The following TMEM181 variants were observed in gnomAD, a reference collection of about 807,000 sequenced individuals.
The protein encoded by TMEM181 is G protein-coupled receptor 178.
Under a neutral mutation model 71.9 loss-of-function variants are expected in TMEM181, and 39 were observed. The observed-to-expected ratio is 0.54, with a 90% CI of 0.42 to 0.71. The LOEUF is 0.71. Ranked by LOEUF, TMEM181 falls within the 30% of genes least tolerant of loss-of-function variation. The pLI is 0.00. For missense variants in TMEM181, 595 were observed against 583.0 expected (o/e 1.02, Z -0.21); for synonymous variants, 245 against 228.8 (o/e 1.07, Z -0.64).
intron 6 of TMEM181, among the ~76,000 whole-genome samples, chr6:158,591,209 C>T (rs1385440759): frequency 6.6e-6 from 1 of 152,174 alleles, no homozygotes; most frequent in Non-Finnish European, 1.5e-5. Flanking sequence ...GCCGTCTCCT[C>T]CCCTCTGAGA....
intron 13 of TMEM181, chr6:158,626,803 A>C (rs1786302470): frequency 1.3e-5 from 6 of 454,326 alleles, no homozygotes; most frequent in South Asian, 9.3e-5. Flanking sequence ...GCCTTCACTC[A>C]CAACTGACCC....
At chr6:158,608,825 T>C (rs1785119131) in intron 10 of TMEM181, 75 bp downstream of exon 10, 1 of 1,411,926 alleles carries the variant, frequency 7.1e-7, no homozygotes, top group East Asian at 2.3e-5. Context: ...AGGCCAGGCG[T>C]AGTGGCTCAC....
At chr6:158,543,762 A>G (rs1781433161) in intron 1 of TMEM181, among the ~76,000 whole-genome samples, 1 of 152,212 alleles carries the variant, frequency 6.6e-6, no homozygotes, top group Admixed American at 6.5e-5. Flanking sequence ...CCAAGGCCTT[A>G]TCACCAAATA....
intron 5 of TMEM181, among the ~76,000 whole-genome samples, chr6:158,588,251 G>C (rs1783895847): frequency 6.6e-6 from 1 of 152,250 alleles, no homozygotes; most frequent in South Asian, 2.1e-4. Flanking sequence ...GAGCACTGTG[G>C]GCTTCAGTGC....
At chr6:158,561,698 G>A (rs1046241785) in intron 1 of TMEM181, among the ~76,000 whole-genome samples, 3 of 152,178 alleles carry the variant, frequency 2.0e-5, no homozygotes, top group African/African-American at 4.8e-5. Flanking sequence ...GAAAGGTCCC[G>A]AGGAGGACAA....
intron 2 of TMEM181, among the ~76,000 whole-genome samples, chr6:158,576,954 T>TG (rs1201985704): frequency 1.3e-5 from 2 of 150,322 alleles, no homozygotes; most frequent in East Asian, 3.9e-4. Context: ...CCCAGCTACT[T>TG]GGGAGGCTGA....
intron 10 of TMEM181, among the ~76,000 whole-genome samples, chr6:158,616,529 G>C (rs1216393150): frequency 1.3e-5 from 2 of 152,172 alleles, no homozygotes; most frequent in African/African-American, 4.8e-5. Flanking sequence ...ATGTTGAATA[G>C]GAGTGGTGAG....
At chr6:158,560,014 C>T (rs1280530993), upstream of TMEM181, 2 of 982,430 alleles carry the variant, frequency 2.0e-6, no homozygotes, top group South Asian at 4.7e-5. Flanking sequence ...CGCCCGCGGC[C>T]CCGCTTCCAC....
At chr6:158,588,109 GAAGCCT>G (rs1783887589) in intron 5 of TMEM181, among the ~76,000 whole-genome samples, 1 of 152,238 alleles carries the variant, frequency 6.6e-6, no homozygotes, top group Non-Finnish European at 1.5e-5. Context: ...AGGTGGAAAG[GAAGCCT>G]TGGCTTCCCT....
chr6:158,608,036 A>G (rs187717160), intron 8 of TMEM181, among the ~76,000 whole-genome samples: 106 of 152,358 alleles, frequency 7.0e-4, no homozygotes, highest in African/African-American at 2.5e-3. Context: ...CAGTGCAGCA[A>G]TCTGTTCAGT....
chr6:158,608,838 C>CTGT, intron 10 of TMEM181, 88 bp downstream of exon 10: 1 of 1,235,640 alleles, frequency 8.1e-7, no homozygotes, highest in Non-Finnish European at 1.2e-6. Flanking sequence ...TGGCTCACGC[C>CTGT]TGTAATCCCA....
At chr6:158,584,156 G>T in intron 4 of TMEM181, 112 bp downstream of exon 4, 1 of 827,138 alleles carries the variant, frequency 1.2e-6, no homozygotes, top group Non-Finnish European at 1.8e-6. Flanking sequence ...AGATGTATAA[G>T]GATGTCCATT....
chr6:158,540,739 T>A (rs1288835343), intron 1 of TMEM181, among the ~76,000 whole-genome samples: 1 of 152,098 alleles, frequency 6.6e-6, no homozygotes, highest in Non-Finnish European at 1.5e-5. Flanking sequence ...TTCGCAGTGC[T>A]GGCTGCACAT....
At chr6:158,558,175 C>G (rs1190190170), upstream of TMEM181, among the ~76,000 whole-genome samples, 1 of 152,176 alleles carries the variant, frequency 6.6e-6, no homozygotes, top group African/African-American at 2.4e-5. Flanking sequence ...ACAGTTTCCT[C>G]TCGCTGGAGA....
chr6:158,628,129 GA>G, intron 13 of TMEM181: 1 of 601,984 alleles, frequency 1.7e-6, no homozygotes, highest in South Asian at 1.6e-5. Context: ...CCCGAGTAGG[GA>G]GAGTGTGATG....
intron 6 of TMEM181, among the ~76,000 whole-genome samples, chr6:158,602,062 A>G (rs1425544721): frequency 6.6e-6 from 1 of 152,120 alleles, no homozygotes; most frequent in Non-Finnish European, 1.5e-5. Context: ...CATCACCCCT[A>G]AACATCTTCT....
rs934674550 is a variant in TMEM181, at chr6:158,632,414, T to C, written c.*526T>C. 4.3e-5 allele frequency: 7 copies of C among 164,466 alleles called. No homozygotes were observed. The highest frequency in any genetic ancestry group is 1.4e-4 in the African/African-American group (6 of 41,790). 10.2% of individuals were successfully genotyped at this position (164,466 alleles called of 1,614,324 possible). On this transcript the variant is annotated 3_prime_UTR_variant, in exon 17 of 17. Transcript: ENST00000684151. ...TGGGTAACCAGGTGGCTGAAGTGAT[T>C]GGTCAGTTATGTGGACTGCGTTTTG...
chr6:158,584,297 A>G (rs1214239387), intron 4 of TMEM181, among the ~76,000 whole-genome samples: 2 of 152,224 alleles, frequency 1.3e-5, no homozygotes, highest in African/African-American at 4.8e-5. Context: ...TCGGCGCTAC[A>G]GCTGCCAGCC....
intron 10 of TMEM181, chr6:158,610,165 G>A (rs538031306): frequency 4.5e-6 from 1 of 224,546 alleles, no homozygotes; most frequent in Non-Finnish European, 9.5e-6. Flanking sequence ...GTGATGTTCT[G>A]GGACAGGCAT....
Sources: allele counts gnomAD v4.1 joint callset (sites outside exome capture counted in the v4.1 genomes callset), GRCh38; gene constraint gnomAD v4.1.1; transcripts MANE v1.5; gene names NCBI Gene and HGNC (gene_info 2026-07-23, HGNC 2026-07-21).